NPEPPS: variants seen among roughly 807,000 people sequenced by gnomAD.
NPEPPS encodes aminopeptidase puromycin sensitive.
NPEPPS carries 14 observed loss-of-function variants against 115.5 expected under a neutral mutation model. The ratio of observed to expected loss-of-function variants is 0.12; its 90% confidence interval spans 0.08 to 0.19. NPEPPS has a LOEUF of 0.19. Among genes scored for constraint, NPEPPS ranks in the 10% least tolerant of loss-of-function variants. NPEPPS has a pLI of 1.00. For synonymous variants in NPEPPS, 285 were observed against 390.6 expected (o/e 0.73, Z 3.19); for missense variants, 523 against 1,110.8 (o/e 0.47, Z 7.52).
intron 10 of NPEPPS, 93 bp downstream of exon 10, chr17:47,590,974 A>G: frequency 6.7e-7 from 1 of 1,497,372 alleles, no homozygotes; most frequent in Non-Finnish European, 9.0e-7. Flanking sequence ...CTTTGAAAAT[A>G]AGAGAAAATA....
At chr17:47,604,092 T>G in intron 16 of NPEPPS, 43 bp downstream of exon 16, 1 of 1,574,376 alleles carries the variant, frequency 6.4e-7, no homozygotes, top group South Asian at 1.2e-5. Context: ...TTTTGCTGAT[T>G]AAAAGATTCT....
chr17:47,529,339 G>A (rs1235438199), upstream of NPEPPS, among the ~76,000 whole-genome samples: 4 of 150,840 alleles, frequency 2.7e-5, no homozygotes, highest in Non-Finnish European at 4.4e-5. Flanking sequence ...CTGGGCTCAA[G>A]TGATCCTCCC....
chr17:47,573,709 GA>G (rs1183764689), intron 3 of NPEPPS, among the ~76,000 whole-genome samples: 1 of 152,202 alleles, frequency 6.6e-6, no homozygotes, highest in East Asian at 1.9e-4. Flanking sequence ...GACAGAGCAA[GA>G]CTGTCTCAAA....
At chr17:47,614,018 C>G (rs957170892) in intron 19 of NPEPPS, among the ~76,000 whole-genome samples, 1 of 151,730 alleles carries the variant, frequency 6.6e-6, no homozygotes, top group Non-Finnish European at 1.5e-5. Context: ...CTCTGTCACC[C>G]AGGCTAAAGT....
At chr17:47,543,483 A>ATT (rs1244034572) in intron 1 of NPEPPS, among the ~76,000 whole-genome samples, 3,265 of 118,052 alleles carry the variant, frequency 0.028, 143 homozygotes, top group East Asian at 0.076. Context: ...GGCCTGGCTA[A>ATT]TTTTTTTTTT....
chr17:47,580,340 G>A (rs1264826088), intron 4 of NPEPPS: 1 of 152,104 alleles, frequency 6.6e-6, no homozygotes, highest in African/African-American at 2.4e-5. Context: ...TGATTCTAAT[G>A]CCTTTCTCTA....
At chr17:47,585,390 G>C in intron 5 of NPEPPS, 110 bp from the exon 6 acceptor site, 1 of 713,984 alleles carries the variant, frequency 1.4e-6, no homozygotes, top group Non-Finnish European at 2.4e-6. Context: ...AGCCATGCTA[G>C]AATAGAAAGG....
intron 1 of NPEPPS, among the ~76,000 whole-genome samples, chr17:47,540,976 A>C (rs749684808): frequency 7.2e-5 from 11 of 152,170 alleles, no homozygotes; most frequent in Non-Finnish European, 1.5e-4. Flanking sequence ...AAAAAAAATT[A>C]GTAACAATTC....
At chr17:47,537,582 A>C (rs1908393068) in intron 1 of NPEPPS, among the ~76,000 whole-genome samples, 1 of 152,012 alleles carries the variant, frequency 6.6e-6, no homozygotes, top group Non-Finnish European at 1.5e-5. Flanking sequence ...AATCCCAGCT[A>C]CTCGGGAAGC....
intron 1 of NPEPPS, among the ~76,000 whole-genome samples, chr17:47,535,383 C>T (rs1255233407): frequency 6.7e-6 from 1 of 148,306 alleles, no homozygotes; most frequent in Admixed American, 6.8e-5. Context: ...AACCCCGCCT[C>T]TACTAAAAAT....
At chr17:47,544,906 T>C (rs1298471278) in intron 1 of NPEPPS, among the ~76,000 whole-genome samples, 2 of 149,372 alleles carry the variant, frequency 1.3e-5, no homozygotes, top group Non-Finnish European at 3.0e-5. Flanking sequence ...GGTTACACCA[T>C]GTTGGCCAGG....
chr17:47,563,350 T>C (rs927356315), intron 2 of NPEPPS, among the ~76,000 whole-genome samples: 1 of 152,014 alleles, frequency 6.6e-6, no homozygotes, highest in Non-Finnish European at 1.5e-5. Flanking sequence ...GTTTTATACA[T>C]GCTATGTTTA....
chr17:47,617,905 A>G (rs754788577), intron 19 of NPEPPS, among the ~76,000 whole-genome samples: 20 of 152,052 alleles, frequency 1.3e-4, no homozygotes, highest in Non-Finnish European at 2.8e-4. Context: ...TTTGAGACAG[A>G]GTCTCGCTCT....
chr17:47,562,766 AAAAAAGTTTAGTTAATTGT>A (rs1910519370), intron 2 of NPEPPS, among the ~76,000 whole-genome samples: 1 of 147,580 alleles, frequency 6.8e-6, no homozygotes, highest in Admixed American at 7.0e-5. Context: ...GTTAATTTAA[AAAAAAGTTTAGTTAATTGT>A]AAAAAAAAAA....
intron 1 of NPEPPS, among the ~76,000 whole-genome samples, chr17:47,537,398 A>T (rs1043474418): frequency 6.6e-5 from 10 of 152,056 alleles, no homozygotes; most frequent in South Asian, 2.1e-4. Context: ...AGACATTTTT[A>T]AAAAAGTTTA....
chr17:47,581,535 T>C (rs187978280), intron 4 of NPEPPS: 4 of 152,376 alleles, frequency 2.6e-5, no homozygotes, highest in African/African-American at 9.6e-5. Context: ...ATTTCTCTGC[T>C]GCTGCTTCTA....
At chr17:47,524,296 C>G (rs1157366486) in intron 1 of NPEPPS, among the ~76,000 whole-genome samples, 1 of 139,512 alleles carries the variant, frequency 7.2e-6, no homozygotes, top group Non-Finnish European at 1.6e-5. Flanking sequence ...GCAACAAGAG[C>G]AAAACTTTGT....
At chr17:47,619,228 C>T (rs1914388998) in intron 21 of NPEPPS, 64 bp downstream of exon 21, 1 of 1,424,624 alleles carries the variant, frequency 7.0e-7, no homozygotes, top group Non-Finnish European at 9.7e-7. Context: ...CCATGATTCA[C>T]TACACCCATA....
At chr17:47,536,878 AT>A (rs1370898302) in intron 1 of NPEPPS, among the ~76,000 whole-genome samples, 1 of 151,250 alleles carries the variant, frequency 6.6e-6, no homozygotes, top group East Asian at 1.9e-4. Flanking sequence ...AGCCCAGCTA[AT>A]TTTTTGTATT....
Sources: gnomAD v4.1 joint callset for allele counts (sites outside exome capture counted in the v4.1 genomes callset) on GRCh38, gnomAD v4.1.1 for gene constraint, MANE v1.5 for transcripts, NCBI Gene and HGNC (gene_info 2026-07-23, HGNC 2026-07-21) for gene names.